The following ILRUN variants were observed in gnomAD, a reference collection of about 807,000 sequenced individuals.
The protein encoded by ILRUN is inflammation and lipid regulator with UBA-like and NBR1-like domains.
A neutral mutation model predicts 33.8 loss-of-function variants in ILRUN; 3 were observed. The observed-to-expected ratio is 0.09, with a 90% CI of 0.04 to 0.23. The LOEUF is 0.23. ILRUN is among the 10% of genes least tolerant of loss of function. The pLI, the probability that ILRUN is intolerant of heterozygous loss-of-function variation, is 1.00. For synonymous variants in ILRUN, 124 were observed against 138.9 expected (o/e 0.89, Z 0.75); for missense variants, 210 against 375.1 (o/e 0.56, Z 3.64).
chr6:34,633,984 A>G (rs1437742214), intron 3 of ILRUN, among the ~76,000 whole-genome samples: 2 of 150,810 alleles, frequency 1.3e-5, no homozygotes, highest in Non-Finnish European at 3.0e-5. Context: ...CTATTAACAA[A>G]GCTGGGAGCA....
At chr6:34,626,007 C>T (rs1304789477) in intron 3 of ILRUN, among the ~76,000 whole-genome samples, 3 of 151,784 alleles carry the variant, frequency 2.0e-5, no homozygotes, top group East Asian at 3.9e-4. Context: ...CCCGCCACCA[C>T]GCCCGGCTAA....
intron 1 of ILRUN, among the ~76,000 whole-genome samples, chr6:34,686,070 T>A (rs1439020649): frequency 6.6e-6 from 1 of 152,130 alleles, no homozygotes; most frequent in East Asian, 1.9e-4. Flanking sequence ...AAAAAAAGAA[T>A]TGATATGGAC....
At position 34,673,148 on chromosome 6, in the gene ILRUN, G is replaced by A. The variant is rs999014768; in HGVS notation, c.159-18369C>T. ...GGATATCAGCTAAGTATCAAGGTAA[G>A]AAAAATTTCAGAATGCAAAAGTTTC... On this transcript the variant is annotated intron_variant, in intron 1 of 4. Coordinates refer to ENST00000374023, the MANE Select transcript of ILRUN (RefSeq NM_024294.4). 1.1e-4 allele frequency among the ~76,000 whole-genome samples: 17 copies of A among 152,258 alleles called. No homozygotes were observed. The East Asian group carries it at 3.3e-3, about 29-fold the overall frequency.
chr6:34,628,871 T>C (rs949864181), intron 3 of ILRUN, among the ~76,000 whole-genome samples: 1 of 152,064 alleles, frequency 6.6e-6, no homozygotes, highest in Non-Finnish European at 1.5e-5. Context: ...ATCCCAGGAC[T>C]TTGGGAGGCC....
At chr6:34,648,330 C>T (rs1030845876) in intron 2 of ILRUN, among the ~76,000 whole-genome samples, 2 of 152,132 alleles carry the variant, frequency 1.3e-5, no homozygotes, top group African/African-American at 2.4e-5. Context: ...TCTAAGTGCC[C>T]AGTTTTGACA....
At chr6:34,618,826 AAGG>A (rs1248554520) in intron 3 of ILRUN, among the ~76,000 whole-genome samples, 1 of 152,218 alleles carries the variant, frequency 6.6e-6, no homozygotes, top group East Asian at 1.9e-4. Flanking sequence ...TACCATAAGG[AAGG>A]AGAAGAGATG....
chr6:34,610,824 G>GA (rs1761732731), intron 3 of ILRUN, among the ~76,000 whole-genome samples: 1 of 152,134 alleles, frequency 6.6e-6, no homozygotes, highest in Non-Finnish European at 1.5e-5. Flanking sequence ...CTTAGCTCAG[G>GA]AAACTAAATG....
intron 4 of ILRUN, among the ~76,000 whole-genome samples, chr6:34,600,350 G>A (rs1761484014): frequency 6.6e-6 from 1 of 152,156 alleles, no homozygotes; most frequent in Non-Finnish European, 1.5e-5. Flanking sequence ...CCACTTCAGG[G>A]CTTGTACTGG....
chr6:34,611,457 C>T (rs1761752147), intron 3 of ILRUN, among the ~76,000 whole-genome samples: 1 of 152,210 alleles, frequency 6.6e-6, no homozygotes, highest in African/African-American at 2.4e-5. Context: ...TCATGAACAG[C>T]AAAATACAAC....
rs1404571545 is a variant in ILRUN, at chr6:34,588,221, G to T, written c.*2344C>A. The T allele has an allele frequency of 2.5e-6, 1 of 398,658 alleles. No homozygotes were observed. The highest frequency in any genetic ancestry group is 4.4e-6 in the Non-Finnish European group (1 of 226,154). The allele number at this position is 398,658 out of a possible 1,614,324, so 24.7% of individuals were successfully genotyped here. A position where few individuals can be genotyped will look rare whatever the true frequency, so the allele number is the denominator to read the frequency against. ...CCAAGGATGTGCACAGAAATGGTTT[G>T]TTCTTGGGAAGGGAGACAAGGTGCT... On this transcript the variant is annotated 3_prime_UTR_variant, in exon 5 of 5. Transcript: ENST00000374023.
intron 1 of ILRUN, among the ~76,000 whole-genome samples, chr6:34,672,344 C>A (rs1247677528): frequency 6.6e-6 from 1 of 152,076 alleles, no homozygotes; most frequent in African/African-American, 2.4e-5. Flanking sequence ...ATCCACTCAC[C>A]TCTCAAAGTG....
intron 1 of ILRUN, chr6:34,685,757 G>T (rs1033895288): frequency 2.6e-5 from 4 of 152,084 alleles, no homozygotes; most frequent in Non-Finnish European, 5.9e-5. Context: ...AGTGATGGCT[G>T]AAGAGAATAA....
intron 3 of ILRUN, among the ~76,000 whole-genome samples, chr6:34,637,864 C>CTGCTGTTGT (rs749114775): frequency 0.044 from 6,227 of 141,908 alleles, 207 homozygotes; most frequent in East Asian, 0.15. Flanking sequence ...GCTGCTGCTG[C>CTGCTGTTGT]TGTTGTTGTT....
intron 3 of ILRUN, among the ~76,000 whole-genome samples, chr6:34,644,675 T>C (rs1020653816): frequency 6.6e-6 from 1 of 152,044 alleles, no homozygotes; most frequent in Non-Finnish European, 1.5e-5. Flanking sequence ...AAATACCTAA[T>C]ATACAATGTG....
At chr6:34,653,519 C>T (rs1427821099) in intron 2 of ILRUN, among the ~76,000 whole-genome samples, 1 of 152,184 alleles carries the variant, frequency 6.6e-6, no homozygotes, top group Non-Finnish European at 1.5e-5. Flanking sequence ...CCACCATGCT[C>T]AGCCTATGGT....
Position 34,588,357 on chromosome 6 carries a change from C to A in ILRUN, c.*2208G>T. 2 of 397,678 alleles carry A rather than the reference C, an allele frequency of 5.0e-6. No individual in the cohort carries two copies. Among genetic ancestry groups the A allele is most frequent in the Non-Finnish European group, 8.9e-6 (2 of 225,988 alleles). The allele number at this position is 397,678 out of a possible 1,614,324, so 24.6% of individuals were successfully genotyped here. A position where few individuals can be genotyped will look rare whatever the true frequency, so the allele number is the denominator to read the frequency against. ...GGCCCATGAAGCCCCTGCTGGGAAA[C>A]TGGGAAGGGGCACCCAGTGTTGGGC... is the stretch of plus-strand genomic sequence containing the variant. On this transcript the variant is annotated 3_prime_UTR_variant, in exon 5 of 5. Coordinates refer to ENST00000374023, the MANE Select transcript of ILRUN (RefSeq NM_024294.4).
rs71000073 is a variant in ILRUN at position 34,614,443 on chromosome 6, A to AAAAAAAAAAT, written c.512-7540_512-7539insATTTTTTTTT. Among the ~76,000 whole-genome samples the AAAAAAAAAAT allele has an allele frequency of 6.7e-4, 89 of 133,570 alleles. 1 individual carries two copies. Among genetic ancestry groups the AAAAAAAAAAT allele is most frequent in the Admixed American group, 1.5e-3 (20 of 13,278 alleles). The allele number at this position is 133,570 out of a possible 152,430, so 87.6% of individuals were successfully genotyped here. A position where few individuals can be genotyped will look rare whatever the true frequency, so the allele number is the denominator to read the frequency against. On this transcript the variant is annotated intron_variant, in intron 3 of 4. Coordinates refer to ENST00000374023, the MANE Select transcript of ILRUN (RefSeq NM_024294.4). ...TCTCAAAAAATAATAAAAAAAAAAA[A>AAAAAAAAAAT]ATATATATATATAAAATGTATATTA...
intron 2 of ILRUN, among the ~76,000 whole-genome samples, chr6:34,652,112 G>GT (rs1395700309): frequency 6.6e-6 from 1 of 152,192 alleles, no homozygotes; most frequent in African/African-American, 2.4e-5. Context: ...TTTTTGATCA[G>GT]TAACACAGCA....
intron 1 of ILRUN, among the ~76,000 whole-genome samples, chr6:34,672,848 G>A (rs1227321042): frequency 6.6e-6 from 1 of 152,090 alleles, no homozygotes; most frequent in Non-Finnish European, 1.5e-5. Context: ...CCGATAACAA[G>A]AGAAGGGAGT....
Sources: gnomAD v4.1 joint callset for allele counts (sites outside exome capture counted in the v4.1 genomes callset) on GRCh38, gnomAD v4.1.1 for gene constraint, MANE v1.5 for transcripts, NCBI Gene and HGNC (gene_info 2026-07-23, HGNC 2026-07-21) for gene names.